KAT6B: variants seen among roughly 807,000 people sequenced by gnomAD.
KAT6B encodes lysine acetyltransferase 6B, also known as histone acetyltransferase KAT6B.
Under a neutral mutation model 187.5 loss-of-function variants are expected in KAT6B, and 10 were observed. The ratio of observed to expected loss-of-function variants is 0.05; its 90% CI spans 0.03 to 0.09. The LOEUF is 0.09. Among genes scored for constraint, KAT6B ranks in the 10% least tolerant of loss-of-function variants. The pLI is 1.00. For synonymous variants in KAT6B, 861 were observed against 926.8 expected (o/e 0.93, Z 1.29); for missense variants, 1,952 against 2,558.9 (o/e 0.76, Z 5.12).
chr10:74,960,927 G>A lies in KAT6B; in HGVS notation c.730+849G>A, dbSNP rs141838318. 8.8e-4 allele frequency among the ~76,000 whole-genome samples: 134 copies of A among 152,328 alleles called. 2 individuals are homozygous for A. Among genetic ancestry groups the A allele is most frequent in the East Asian group, 4.6e-3 (24 of 5,186 alleles). On this transcript the variant is annotated intron_variant, in intron 4 of 17. Coordinates refer to ENST00000287239, the MANE Select transcript of KAT6B (RefSeq NM_012330.4). Reference sequence around the variant, plus strand: ...TTATCATCACTTATGACAGCTGCTTGATGGTTGGGTAGAAGAAATGTTTCA... The same window carrying A: ...TTATCATCACTTATGACAGCTGCTTAATGGTTGGGTAGAAGAAATGTTTCA...
upstream of KAT6B, among the ~76,000 whole-genome samples, chr10:74,826,395 GA>G (rs1321626800): frequency 1.3e-5 from 2 of 152,004 alleles, no homozygotes; most frequent in Non-Finnish European, 2.9e-5. Context: ...CGGAGGGGGG[GA>G]TGATGGGTCG....
At chr10:74,873,450 AAAAT>A (rs143022282) in intron 3 of KAT6B, among the ~76,000 whole-genome samples, 44,248 of 149,440 alleles carry the variant, frequency 0.3, 11,688 homozygotes, top group African/African-American at 0.7. Context: ...GAGCAGCAGC[AAAAT>A]AAATAAATAA....
Position 74,851,386 on chromosome 10 carries a change from T to A in KAT6B, c.621+7908T>A, listed in dbSNP as rs1253228072. On this transcript the variant is annotated intron_variant, in intron 3 of 17. Transcript: ENST00000287239. ...GTCTTGCTATGTTGCCAGGCTGGAG[T>A]GCAGTGGCGCGATCTCGGCTCACTA... is the stretch of plus-strand genomic sequence containing the variant. 4.7e-5 allele frequency among the ~76,000 whole-genome samples: 7 copies of A among 148,684 alleles called. No individual in the cohort carries two copies. The Admixed American group carries it at 4.8e-4, about 10-fold the overall frequency.
intron 3 of KAT6B, among the ~76,000 whole-genome samples, chr10:74,845,747 A>G (rs1472967794): frequency 6.6e-6 from 1 of 150,936 alleles, no homozygotes; most frequent in East Asian, 1.9e-4. Context: ...CATGCATGTT[A>G]GGAAAAGTTA....
chr10:74,871,920 A>G (rs575508068), intron 3 of KAT6B, among the ~76,000 whole-genome samples: 1 of 152,318 alleles, frequency 6.6e-6, no homozygotes, highest in East Asian at 1.9e-4. Flanking sequence ...TATGTTTAAT[A>G]AGGATAACAA....
intron 3 of KAT6B, among the ~76,000 whole-genome samples, chr10:74,880,570 C>A (rs532032516): frequency 6.6e-6 from 1 of 152,186 alleles, no homozygotes; most frequent in African/African-American, 2.4e-5. Context: ...TTTTACTTCT[C>A]TTGGCTGTAT....
chr10:74,946,277 T>C (rs1397750113), intron 3 of KAT6B, among the ~76,000 whole-genome samples: 2 of 152,218 alleles, frequency 1.3e-5, no homozygotes, highest in African/African-American at 4.8e-5. Flanking sequence ...TAGTTATATC[T>C]CTACTTTACT....
Position 74,981,802 on chromosome 10 carries a change from C to T in KAT6B, c.2247C>T (p.Tyr749=), listed in dbSNP as rs1282152360. Reference sequence around the variant, plus strand: ...ACTTTAACAGATTACCAAAGCTTTACCTGTGTGAATTCTGTCTTAAATATA... The same window carrying T: ...ACTTTAACAGATTACCAAAGCTTTATCTGTGTGAATTCTGTCTTAAATATA... ...PQEYARLPKL[Y]LCEFCLKYMK... Residue 749 remains tyrosine, a synonymous_variant, in exon 11 of 18, where the codon TAC becomes TAT. Transcript: ENST00000287239. 2.6e-6 allele frequency: 4 copies of T among 1,537,138 alleles called. No homozygotes were observed. Among genetic ancestry groups the T allele is most frequent in the East Asian group, 4.5e-5 (2 of 44,442 alleles).
chr10:74,877,057 GCCGGTT>G (rs1462914199), intron 3 of KAT6B, among the ~76,000 whole-genome samples: 2 of 151,760 alleles, frequency 1.3e-5, no homozygotes, highest in African/African-American at 4.8e-5. Context: ...ACCTCTACCT[GCCGGTT>G]CAAGCGATTC....
chr10:74,830,769 T>TGTATATATATATATATATA (rs58702000), intron 1 of KAT6B, among the ~76,000 whole-genome samples: 2 of 7,738 alleles, frequency 2.6e-4, no homozygotes, highest in South Asian at 0.019. Flanking sequence ...TATATATATA[T>TGTATATATATATATATATA]TTTTTTTTTT....
chr10:74,991,039 G>T (rs1361536715), intron 13 of KAT6B, among the ~76,000 whole-genome samples: 2 of 152,008 alleles, frequency 1.3e-5, no homozygotes, highest in African/African-American at 4.8e-5. Context: ...CCTGCCCATT[G>T]TTAAGAGCCA....
chr10:74,858,775 C>T (rs1164848280), intron 3 of KAT6B, among the ~76,000 whole-genome samples: 2 of 151,978 alleles, frequency 1.3e-5, no homozygotes, highest in African/African-American at 4.8e-5. Context: ...GGCAACATGG[C>T]GAAACCCCAT....
intron 3 of KAT6B, among the ~76,000 whole-genome samples, chr10:74,900,769 A>G (rs1846325130): frequency 6.6e-6 from 1 of 152,234 alleles, no homozygotes; most frequent in South Asian, 2.1e-4. Flanking sequence ...ATCACTGCCT[A>G]CCACATAGTG....
chr10:74,874,959 T>A (rs1274061743), intron 3 of KAT6B, among the ~76,000 whole-genome samples: 2 of 152,148 alleles, frequency 1.3e-5, no homozygotes, highest in Non-Finnish European at 2.9e-5. Flanking sequence ...ATGCACAATT[T>A]TCCCCATTAT....
chr10:74,906,159 G>A (rs1406880913), intron 3 of KAT6B, among the ~76,000 whole-genome samples: 1 of 152,110 alleles, frequency 6.6e-6, no homozygotes, highest in African/African-American at 2.4e-5. Flanking sequence ...CAGCACTTTG[G>A]GAGGCCGAGG....
At chr10:74,914,062 T>C (rs1489047866) in intron 3 of KAT6B, among the ~76,000 whole-genome samples, 1 of 152,090 alleles carries the variant, frequency 6.6e-6, no homozygotes, top group African/African-American at 2.4e-5. Context: ...GGCGGGCACC[T>C]GTAGTCCCAG....
chr10:74,922,451 A>G (rs548156814), intron 3 of KAT6B, among the ~76,000 whole-genome samples: 11 of 152,276 alleles, frequency 7.2e-5, no homozygotes, highest in African/African-American at 2.2e-4. Context: ...TAGATGGAAT[A>G]GTGATCAGAA....
intron 3 of KAT6B, among the ~76,000 whole-genome samples, chr10:74,936,709 G>T (rs1849300801): frequency 6.6e-6 from 1 of 152,176 alleles, no homozygotes; most frequent in Non-Finnish European, 1.5e-5. Context: ...GAGCATCCAG[G>T]AGTGTGCGGT....
chr10:74,883,422 A>G lies in KAT6B; in HGVS notation c.621+39944A>G, dbSNP rs7096175. Among the ~76,000 whole-genome samples the G allele has an allele frequency of 5.0e-3, 756 of 152,248 alleles. 7 individuals are homozygous for G. The highest frequency in any genetic ancestry group is 0.017 in the African/African-American group (722 of 41,554). ...GGTTTGAAGGGGAAAGGGTGAAATG[A>G]CAGTTAAGGTTGGCATCACCGAGGT... On this transcript the variant is annotated intron_variant, in intron 3 of 17. Coordinates refer to ENST00000287239, the MANE Select transcript of KAT6B (RefSeq NM_012330.4).
Sources: gnomAD v4.1 joint callset for allele counts (sites outside exome capture counted in the v4.1 genomes callset) on GRCh38, gnomAD v4.1.1 for gene constraint, MANE v1.5 for transcripts, NCBI Gene and HGNC (gene_info 2026-07-23, HGNC 2026-07-21) for gene names.